TOP1: variants seen among roughly 807,000 people sequenced by gnomAD.
TOP1 encodes the protein DNA topoisomerase I, also known as DNA topoisomerase 1.
A neutral mutation model predicts 111.1 loss-of-function variants in TOP1; 10 were observed. The ratio of observed to expected loss-of-function variants is 0.09; its 90% CI spans 0.06 to 0.15. TOP1 has a LOEUF of 0.15. Ranked by LOEUF, TOP1 falls within the 10% of genes least tolerant of loss-of-function variation. The probability of loss-of-function intolerance (pLI) is 1.00; values close to 1 mark genes in which losing one functional copy is unlikely to be tolerated. For synonymous variants in TOP1, 271 were observed against 302.9 expected (o/e 0.89, Z 1.10); for missense variants, 474 against 926.7 (o/e 0.51, Z 6.34).
intron 3 of TOP1, chr20:41,073,479 C>G: frequency 1.0e-6 from 1 of 985,224 alleles, no homozygotes; most frequent in Non-Finnish European, 1.2e-6. Flanking sequence ...GAAAGTTTCT[C>G]CTCGATGGTA....
Position 41,123,136 on chromosome 20 carries a change from C to T in TOP1, c.2196-59C>T. Reference sequence around the variant, plus strand: ...AGATGGAACATCTGACCCTGGGCCTCAGATATGGGCCATTGCTGAGTCACC... The same window carrying T: ...AGATGGAACATCTGACCCTGGGCCTTAGATATGGGCCATTGCTGAGTCACC... On this transcript the variant is annotated intron_variant, in intron 20 of 20. Transcript: ENST00000361337. This position sits in a 1 kb window ranked among gnomAD's most constrained non-coding sequence, Gnocchi z 5.8. The T allele has an allele frequency of 1.7e-6, 2 of 1,174,634 alleles. No individual in the cohort carries two copies. The highest frequency in any genetic ancestry group is 1.3e-6 in the Non-Finnish European group (1 of 786,938). 72.8% of individuals were successfully genotyped at this position (1,174,634 alleles called of 1,614,324 possible).
intron 2 of TOP1, among the ~76,000 whole-genome samples, chr20:41,059,225 C>T (rs2033512056): frequency 2.0e-5 from 3 of 151,770 alleles, no homozygotes; most frequent in African/African-American, 7.3e-5. Flanking sequence ...GGGTACTAGG[C>T]TTAATTCCTG....
rs538588686 is a variant in TOP1, at chr20:41,046,333, C to T, written c.59-15061C>T. ...AGGCTATATAGTTATAACTAAGCCACAGAGCAGGGAGGCTAATCTAGGCCT... is the reference window on the plus strand; with the variant it reads ...AGGCTATATAGTTATAACTAAGCCATAGAGCAGGGAGGCTAATCTAGGCCT... On this transcript the variant is annotated intron_variant, in intron 2 of 20. Transcript: ENST00000361337. The surrounding 1 kb of genome is among the most constrained non-coding windows in gnomAD (Gnocchi z 4.3). Among the ~76,000 whole-genome samples the T allele has an allele frequency of 6.6e-6, 1 of 152,170 alleles. No individual in the cohort carries two copies. The highest frequency in any genetic ancestry group is 1.5e-5 in the Non-Finnish European group (1 of 68,026).
At chr20:41,073,590 G>T (rs1483892950) in intron 3 of TOP1, among the ~76,000 whole-genome samples, 1 of 152,114 alleles carries the variant, frequency 6.6e-6, no homozygotes, top group Non-Finnish European at 1.5e-5. Flanking sequence ...GGAAATATAA[G>T]GGTATTGATA....
intron 8 of TOP1, among the ~76,000 whole-genome samples, chr20:41,090,794 C>A (rs562339268): frequency 1.3e-5 from 2 of 152,328 alleles, no homozygotes; most frequent in African/African-American, 4.8e-5. Flanking sequence ...GTGTGAGGTA[C>A]TCTGCCCAGC....
rs1031689721 is a variant in TOP1, at chr20:41,101,501, T to C, written c.1308+148T>C. On this transcript the variant is annotated intron_variant, in intron 13 of 20. Coordinates refer to ENST00000361337, the MANE Select transcript of TOP1 (RefSeq NM_003286.4). This position sits in a 1 kb window ranked among gnomAD's most constrained non-coding sequence, Gnocchi z 4.1. ...GCAAGTACTTTCATAGTTAGCATTA[T>C]GGTGATCTTCCTACAGTGCCTCCAT... 6 of 860,058 alleles carry C rather than the reference T, an allele frequency of 7.0e-6. No homozygotes were observed. Among genetic ancestry groups the C allele is most frequent in the African/African-American group, 6.8e-5 (4 of 58,554 alleles). The allele number at this position is 860,058 out of a possible 1,614,324, so 53.3% of individuals were successfully genotyped here. A position where few individuals can be genotyped will look rare whatever the true frequency, so the allele number is the denominator to read the frequency against.
intron 13 of TOP1, among the ~76,000 whole-genome samples, chr20:41,111,474 T>C: frequency 6.6e-6 from 1 of 152,202 alleles, no homozygotes; most frequent in East Asian, 1.9e-4. Context: ...ACTCCTTAGC[T>C]TAACTGTGTA....
chr20:41,074,684 T>C (rs891954793), intron 3 of TOP1, among the ~76,000 whole-genome samples: 5 of 152,248 alleles, frequency 3.3e-5, no homozygotes, highest in Non-Finnish European at 7.3e-5. Flanking sequence ...TCTGCCTAAC[T>C]GCATGCCATC....
chr20:41,029,245 C>T lies in TOP1; in HGVS notation c.33+145C>T, dbSNP rs1176429595. Reference sequence around the variant, plus strand: ...GGGGCCGCCTGCCGGAGTAGATCGGCTCGCTAGGCCGCGAGCGAGGGCCGC... The same window carrying T: ...GGGGCCGCCTGCCGGAGTAGATCGGTTCGCTAGGCCGCGAGCGAGGGCCGC... On this transcript the variant is annotated intron_variant, in intron 1 of 20. Coordinates refer to ENST00000361337, the MANE Select transcript of TOP1 (RefSeq NM_003286.4). This position sits in a 1 kb window ranked among gnomAD's most constrained non-coding sequence, Gnocchi z 6.1. 5.0e-6 allele frequency: 4 copies of T among 794,402 alleles called. No individual in the cohort carries two copies. The highest frequency in any genetic ancestry group is 5.4e-6 in the Non-Finnish European group (3 of 557,296). 49.2% of individuals were successfully genotyped at this position (794,402 alleles called of 1,614,324 possible).
At position 41,083,600 on chromosome 20, in the gene TOP1, C is replaced by T. The variant is rs1225106253; in HGVS notation, c.508-862C>T. Among the ~76,000 whole-genome samples, 1 of 152,144 alleles carries T rather than the reference C, an allele frequency of 6.6e-6. No homozygotes were observed. Among genetic ancestry groups the T allele is most frequent in the African/African-American group, 2.4e-5 (1 of 41,416 alleles). ...CCATCCATACACTTTCCAGCTGTGC[C>T]ACTCTTTAATTGATTTTAAGATGGT... On this transcript the variant is annotated intron_variant, in intron 7 of 20. Coordinates refer to ENST00000361337, the MANE Select transcript of TOP1 (RefSeq NM_003286.4). This position sits in a 1 kb window ranked among gnomAD's most constrained non-coding sequence, Gnocchi z 7.2.
At chr20:41,039,313 T>G (rs755931630) in intron 2 of TOP1, among the ~76,000 whole-genome samples, 19 of 152,174 alleles carry the variant, frequency 1.2e-4, no homozygotes, top group Non-Finnish European at 2.6e-4. Flanking sequence ...ACAACATGAA[T>G]GGGGACTGGA....
At position 41,121,618 on chromosome 20, in the gene TOP1, A is replaced by T. The variant is rs944732470; in HGVS notation, c.1951-78A>T. ...CTGACAGAGACAGCCTGGTCCAGAT[A>T]ACATCTTGGTTTCACCTTCTCAGGT... On this transcript the variant is annotated intron_variant, in intron 18 of 20. Transcript: ENST00000361337. The surrounding 1 kb of genome is among the most constrained non-coding windows in gnomAD (Gnocchi z 4.2). 2.7e-5 allele frequency: 30 copies of T among 1,104,232 alleles called. No homozygotes were observed. The Admixed American group carries it at 5.0e-4, about 18-fold the overall frequency. The allele number at this position is 1,104,232 out of a possible 1,614,324, so 68.4% of individuals were successfully genotyped here.
In TOP1 at chr20:41,080,948, G is replaced by A. The variant is rs995676896; in HGVS notation, c.432-217G>A. 1.3e-5 allele frequency among the ~76,000 whole-genome samples: 2 copies of A among 151,992 alleles called. No individual in the cohort carries two copies. The highest frequency in any genetic ancestry group is 4.8e-5 in the African/African-American group (2 of 41,374). On this transcript the variant is annotated intron_variant, in intron 6 of 20. Coordinates refer to ENST00000361337, the MANE Select transcript of TOP1 (RefSeq NM_003286.4). This position sits in a 1 kb window ranked among gnomAD's most constrained non-coding sequence, Gnocchi z 5.0. ...CTATTTTGCTTCCAGGCCGGTGTAA[G>A]TGGTTTGTTTTGTTCTATATAGGGC...
In TOP1 at chr20:41,122,220, G is replaced by T. The variant is rs916155846; in HGVS notation, c.2195+65G>T. On this transcript the variant is annotated intron_variant, in intron 20 of 20. Coordinates refer to ENST00000361337, the MANE Select transcript of TOP1 (RefSeq NM_003286.4). This position sits in a 1 kb window ranked among gnomAD's most constrained non-coding sequence, Gnocchi z 5.4. ...AAGAAAGGTGGAGGGGGTTCCGAGA[G>T]CACTGGTGGCCTTCACATGCCATTC... 1 of 1,550,632 alleles carries T rather than the reference G, an allele frequency of 6.4e-7. No individual in the cohort carries two copies. Among genetic ancestry groups the T allele is most frequent in the African/African-American group, 1.4e-5 (1 of 73,372 alleles).
At chr20:41,084,172 T>C (rs1363656816) in intron 7 of TOP1, among the ~76,000 whole-genome samples, 3 of 152,054 alleles carry the variant, frequency 2.0e-5, no homozygotes, top group African/African-American at 7.2e-5. Context: ...GCAGTACTTT[T>C]CCAAACTCCT....
rs1450381730 is a variant in TOP1 at position 41,121,295 on chromosome 20, C to T, written c.1951-401C>T. 1.3e-5 allele frequency among the ~76,000 whole-genome samples: 2 copies of T among 152,158 alleles called. No homozygotes were observed. The highest frequency in any genetic ancestry group is 2.9e-5 in the Non-Finnish European group (2 of 68,038). ...CCTGCTTCAGTTTCCTAAAGAGGAGCTCCTACAGTGTTCTTAGAATGAAAG... is the reference window on the plus strand; with the variant it reads ...CCTGCTTCAGTTTCCTAAAGAGGAGTTCCTACAGTGTTCTTAGAATGAAAG... On this transcript the variant is annotated intron_variant, in intron 18 of 20. Coordinates refer to ENST00000361337, the MANE Select transcript of TOP1 (RefSeq NM_003286.4). The surrounding 1 kb of genome is among the most constrained non-coding windows in gnomAD (Gnocchi z 4.2).
intron 14 of TOP1, 86 bp from the exon 15 acceptor site, chr20:41,113,879 CAAAAA>C (rs552197714): frequency 4.7e-4 from 312 of 661,194 alleles, no homozygotes; most frequent in African/African-American, 1.1e-3. Context: ...GAGACTGTCT[CAAAAA>C]AAAAAAAAAA....
chr20:41,055,797 G>C (rs1254138085), intron 2 of TOP1, among the ~76,000 whole-genome samples: 1 of 151,864 alleles, frequency 6.6e-6, no homozygotes, highest in African/African-American at 2.4e-5. Context: ...TTTTTTTGTA[G>C]ATTGCTTCAG....
Position 41,118,895 on chromosome 20 carries a change from T to G in TOP1, c.1950+599T>G, listed in dbSNP as rs372366107. Among the ~76,000 whole-genome samples, 1 of 152,202 alleles carries G rather than the reference T, an allele frequency of 6.6e-6. No homozygotes were observed. Among genetic ancestry groups the G allele is most frequent in the South Asian group, 2.1e-4 (1 of 4,834 alleles). On this transcript the variant is annotated intron_variant, in intron 18 of 20. Coordinates refer to ENST00000361337, the MANE Select transcript of TOP1 (RefSeq NM_003286.4). The surrounding 1 kb of genome is among the most constrained non-coding windows in gnomAD (Gnocchi z 4.6). ...CCTTGTCCCTGAGCCTCTTTCCTCC[T>G]CCTAACTCCGCCTGGTACTGAGCTT...
Sources: allele counts gnomAD v4.1 joint callset (sites outside exome capture counted in the v4.1 genomes callset), GRCh38; gene constraint gnomAD v4.1.1; non-coding constraint Gnocchi (gnomAD v3.1); transcripts MANE v1.5; gene names NCBI Gene and HGNC (gene_info 2026-07-23, HGNC 2026-07-21).